The following MAML2 variants were observed in gnomAD, a reference collection of about 807,000 sequenced individuals.
MAML2 encodes mastermind-like protein 2.
A neutral mutation model predicts 96.1 loss-of-function variants in MAML2; 22 were observed. That is an observed-to-expected ratio of 0.23 (90% confidence interval 0.16 to 0.33). The LOEUF is 0.33. Ranked by LOEUF, MAML2 falls within the 10% of genes least tolerant of loss-of-function variation. The pLI, the probability that MAML2 is intolerant of heterozygous loss-of-function variation, is 1.00. For missense variants in MAML2, 1,367 were observed against 1,392.4 expected (o/e 0.98, Z 0.29); for synonymous variants, 561 against 521.3 (o/e 1.08, Z -1.04).
intron 2 of MAML2, among the ~76,000 whole-genome samples, chr11:96,031,789 C>T (rs1456081301): frequency 5.3e-5 from 8 of 151,858 alleles, no homozygotes; most frequent in Admixed American, 4.6e-4. Context: ...ATCGAGACCA[C>T]CCTGGCTAAC....
chr11:96,045,312 C>T (rs6483472), intron 2 of MAML2, among the ~76,000 whole-genome samples: 70,767 of 151,686 alleles, frequency 0.47, 16,505 homozygotes, highest in Middle Eastern at 0.56. Context: ...CTGCATATTA[C>T]GGAATCAGAA....
At chr11:96,115,387 T>A (rs768125192) in intron 1 of MAML2, among the ~76,000 whole-genome samples, 1 of 151,822 alleles carries the variant, frequency 6.6e-6, no homozygotes, top group Non-Finnish European at 1.5e-5. Flanking sequence ...CCCAGGCTGG[T>A]CGTGAACTCT....
intron 1 of MAML2, among the ~76,000 whole-genome samples, chr11:96,232,101 C>T (rs1286101908): frequency 2.0e-5 from 3 of 152,146 alleles, no homozygotes; most frequent in African/African-American, 7.2e-5. Context: ...TCCTGCCATT[C>T]ACATCACTGT....
chr11:96,288,061 T>C (rs1265044018), intron 1 of MAML2, among the ~76,000 whole-genome samples: 2 of 152,122 alleles, frequency 1.3e-5, no homozygotes, highest in Admixed American at 1.3e-4. Flanking sequence ...GTATTATAAA[T>C]CTGAATGACA....
At chr11:96,197,286 C>T (rs960509404) in intron 1 of MAML2, among the ~76,000 whole-genome samples, 5 of 152,182 alleles carry the variant, frequency 3.3e-5, no homozygotes, top group African/African-American at 9.7e-5. Flanking sequence ...GCTCCTCCTT[C>T]GACATAACTA....
At chr11:96,100,046 G>A (rs1016552230) in intron 1 of MAML2, among the ~76,000 whole-genome samples, 2 of 152,146 alleles carry the variant, frequency 1.3e-5, no homozygotes, top group Non-Finnish European at 2.9e-5. Context: ...GAAGTGAAGG[G>A]GTGTATGAAG....
intron 1 of MAML2, among the ~76,000 whole-genome samples, chr11:96,120,668 C>T (rs1374368700): frequency 1.3e-5 from 2 of 152,166 alleles, no homozygotes; most frequent in African/African-American, 2.4e-5. Flanking sequence ...GAGCAAGACG[C>T]TAGGGTAAGC....
chr11:95,980,943 C>T (rs778851320), intron 4 of MAML2, among the ~76,000 whole-genome samples: 9 of 152,158 alleles, frequency 5.9e-5, no homozygotes, highest in Non-Finnish European at 7.3e-5. Context: ...GGATGAAGAC[C>T]GCTTCCGACT....
intron 2 of MAML2, among the ~76,000 whole-genome samples, chr11:96,069,366 A>G (rs1408735041): frequency 1.3e-5 from 2 of 148,264 alleles, no homozygotes; most frequent in Non-Finnish European, 3.0e-5. Context: ...AAGCATTTCT[A>G]TTTTTTAATT....
rs200976921 is a variant in MAML2, at chr11:96,092,377, G to A, written c.1654C>T (p.Arg552Cys). 3.4e-4 allele frequency: 556 copies of A among 1,613,744 alleles called. No individual in the cohort carries two copies. Among genetic ancestry groups the A allele is most frequent in the Non-Finnish European group, 4.4e-4 (519 of 1,179,870 alleles). Residue 552 changes from arginine to cysteine, a missense_variant, in exon 2 of 5, where the codon CGT becomes TGT. Arg to Cys is a radical substitution (Grantham distance 180, BLOSUM62 -3). Transcript: ENST00000524717. The surrounding 1 kb of genome is among the most constrained non-coding windows in gnomAD (Gnocchi z 4.1). ...INNPHPAMEP[R>C]QGNTKPLFHF... The stretch of plus-strand genomic sequence containing the variant: ...AACAAAGGCTTGGTGTTGCCCTGAC[G>A]GGGCTCCATGGCTGGGTGCGGGTTG...
intron 1 of MAML2, among the ~76,000 whole-genome samples, chr11:96,094,652 A>C (rs1223948764): frequency 6.6e-6 from 1 of 152,212 alleles, no homozygotes; most frequent in Non-Finnish European, 1.5e-5. Flanking sequence ...ACACTAATAC[A>C]TTAAAAAAGA....
At chr11:96,143,808 A>C (rs556130305) in intron 1 of MAML2, among the ~76,000 whole-genome samples, 1 of 152,328 alleles carries the variant, frequency 6.6e-6, no homozygotes, top group African/African-American at 2.4e-5. Flanking sequence ...GAAAGAACAG[A>C]AGCCTTACTT....
chr11:96,111,704 C>T (rs1164652592), intron 1 of MAML2, among the ~76,000 whole-genome samples: 1 of 152,218 alleles, frequency 6.6e-6, no homozygotes, highest in East Asian at 1.9e-4. Flanking sequence ...TGGCCATCTC[C>T]TCCATAATTA....
intron 2 of MAML2, among the ~76,000 whole-genome samples, chr11:96,012,268 G>C (rs1025074319): frequency 6.6e-6 from 1 of 152,186 alleles, no homozygotes; most frequent in Admixed American, 6.5e-5. Context: ...GAGGATCAGT[G>C]AACACAATCT....
chr11:96,201,369 C>T (rs1023458018), intron 1 of MAML2, among the ~76,000 whole-genome samples: 30 of 152,110 alleles, frequency 2.0e-4, no homozygotes, highest in African/African-American at 6.3e-4. Flanking sequence ...CAGCATTTTG[C>T]CATGTACAAT....
chr11:96,014,819 A>G (rs542689001), intron 2 of MAML2, among the ~76,000 whole-genome samples: 1 of 151,406 alleles, frequency 6.6e-6, no homozygotes, highest in East Asian at 1.9e-4. Context: ...TGTAGATGGC[A>G]TGGAACATTG....
chr11:96,310,907 A>G (rs1863533935), intron 1 of MAML2, among the ~76,000 whole-genome samples: 1 of 152,242 alleles, frequency 6.6e-6, no homozygotes, highest in African/African-American at 2.4e-5. Flanking sequence ...ATGTAGGTGA[A>G]TATGTTAACC....
chr11:96,293,333 A>G (rs1387173786), intron 1 of MAML2, among the ~76,000 whole-genome samples: 1 of 152,110 alleles, frequency 6.6e-6, no homozygotes, highest in Non-Finnish European at 1.5e-5. Flanking sequence ...CTAAGATATG[A>G]AAAAAAATTC....
At chr11:96,153,942 TA>T (rs1860969286) in intron 1 of MAML2, among the ~76,000 whole-genome samples, 1 of 111,912 alleles carries the variant, frequency 8.9e-6, no homozygotes, top group Non-Finnish European at 1.9e-5. Context: ...AATAAATAAA[TA>T]AATAAATATG....
Sources: gnomAD v4.1 joint callset for allele counts (sites outside exome capture counted in the v4.1 genomes callset) on GRCh38, gnomAD v4.1.1 for gene constraint, Gnocchi (gnomAD v3.1) non-coding constraint, MANE v1.5 for transcripts, NCBI Gene and HGNC (gene_info 2026-07-23, HGNC 2026-07-21) for gene names.